Variants in FRAS1 observed in about 807,000 individuals in gnomAD.
The protein encoded by FRAS1 is Fraser extracellular matrix complex subunit 1, also known as extracellular matrix organizing protein FRAS1.
Under a neutral mutation model 435.2 loss-of-function variants are expected in FRAS1, and 290 were observed. The observed-to-expected ratio is 0.67, with a 90% CI of 0.61 to 0.73. The LOEUF is 0.73. FRAS1 is among the 30% of genes least tolerant of loss of function. FRAS1 has a pLI of 0.00. For synonymous variants in FRAS1, 1,800 were observed against 1,851.0 expected (o/e 0.97, Z 0.71); for missense variants, 4,860 against 5,001.5 (o/e 0.97, Z 0.85).
intron 41 of FRAS1, among the ~76,000 whole-genome samples, chr4:78,444,960 A>G (rs1273159896): frequency 1.3e-5 from 2 of 152,238 alleles, no homozygotes; most frequent in African/African-American, 4.8e-5. Flanking sequence ...ACCCATGCAG[A>G]GGTTCCCTTA....
At chr4:78,138,363 A>G (rs1156449686) in intron 2 of FRAS1, among the ~76,000 whole-genome samples, 1 of 152,224 alleles carries the variant, frequency 6.6e-6, no homozygotes, top group Non-Finnish European at 1.5e-5. Context: ...CTGGAGGACT[A>G]GGCCTAATGC....
chr4:78,249,525 G>C (rs1341432912), intron 4 of FRAS1, among the ~76,000 whole-genome samples: 2 of 151,906 alleles, frequency 1.3e-5, no homozygotes, highest in African/African-American at 4.8e-5. Flanking sequence ...GTTTCACCAT[G>C]CTGACCAGGC....
At chr4:78,515,772 C>G (rs760074812) in intron 65 of FRAS1, 27 bp from the exon 66 acceptor site, 16 of 1,606,254 alleles carry the variant, frequency 1.0e-5, no homozygotes, top group Middle Eastern at 1.9e-4. Flanking sequence ...ACCAAGTTAT[C>G]GTTCCTTGTT....
intron 47 of FRAS1, among the ~76,000 whole-genome samples, chr4:78,459,853 A>G (rs1259298021): frequency 6.6e-6 from 1 of 152,126 alleles, no homozygotes; most frequent in Non-Finnish European, 1.5e-5. Context: ...CCCTGTTGGG[A>G]TATGTCTGTA....
chr4:78,384,985 A>T lies in FRAS1; in HGVS notation c.3648+842A>T, dbSNP rs1184886789. 2.6e-5 allele frequency among the ~76,000 whole-genome samples: 4 copies of T among 151,796 alleles called. No homozygotes were observed. The East Asian group carries it at 7.7e-4, about 29-fold the overall frequency. On this transcript the variant is annotated intron_variant, in intron 28 of 73. Coordinates refer to ENST00000512123, the MANE Select transcript of FRAS1 (RefSeq NM_025074.7). Reference sequence around the variant, plus strand: ...GTTTTATCTCTCTCTAGTATGTGGAATTTGCAGCAGTTAGAGAATATTATT... The same window carrying T: ...GTTTTATCTCTCTCTAGTATGTGGATTTTGCAGCAGTTAGAGAATATTATT...
intron 70 of FRAS1, among the ~76,000 whole-genome samples, chr4:78,527,164 A>T (rs140297792): frequency 8.5e-4 from 129 of 152,306 alleles, no homozygotes; most frequent in African/African-American, 2.9e-3. Flanking sequence ...GGCTCATAGG[A>T]ATCTAACCCT....
intron 67 of FRAS1, among the ~76,000 whole-genome samples, chr4:78,520,545 T>A (rs932222231): frequency 8.5e-5 from 13 of 152,234 alleles, no homozygotes; most frequent in African/African-American, 1.7e-4. Context: ...GTCCCTCATA[T>A]AAAATGGTGT....
At chr4:78,479,306 T>C in intron 55 of FRAS1, 68 bp from the exon 56 acceptor site, 1 of 1,102,732 alleles carries the variant, frequency 9.1e-7, no homozygotes, top group Non-Finnish European at 1.2e-6. Flanking sequence ...CTCATTAACT[T>C]ACCAGAGGTT....
At chr4:78,469,830 A>T (rs756186842) in intron 50 of FRAS1, 148 bp from the exon 51 acceptor site, 3 of 672,584 alleles carry the variant, frequency 4.5e-6, no homozygotes, top group Non-Finnish European at 8.1e-6. Context: ...TTGTGCCAGG[A>T]TGATAAGGGA....
intron 20 of FRAS1, among the ~76,000 whole-genome samples, chr4:78,344,077 C>A (rs1205069573): frequency 1.3e-5 from 2 of 151,066 alleles, no homozygotes; most frequent in Admixed American, 6.6e-5. Context: ...CAAATCCTAC[C>A]CATCCATCCC....
At chr4:78,520,677 T>C (rs1721358847) in intron 67 of FRAS1, among the ~76,000 whole-genome samples, 1 of 152,204 alleles carries the variant, frequency 6.6e-6, no homozygotes. Flanking sequence ...GTTTAGGAAA[T>C]AATGACAAAA....
rs150782329 is a variant in FRAS1 at position 78,193,696 on chromosome 4, G to A, written c.109-43814G>A. ...ACGTGAGATGGGTTACCTGAATACA[G>A]CACACTGATGGGTCTTGACTCTTTA... On this transcript the variant is annotated intron_variant, in intron 2 of 73. Transcript: ENST00000512123. 6.9e-3 allele frequency among the ~76,000 whole-genome samples: 1,058 copies of A among 152,302 alleles called. 9 individuals are homozygous for A. Among genetic ancestry groups the A allele is most frequent in the Middle Eastern group, 0.027 (8 of 294 alleles).
intron 2 of FRAS1, among the ~76,000 whole-genome samples, chr4:78,216,789 G>A (rs114388099): frequency 6.6e-6 from 1 of 152,320 alleles, no homozygotes; most frequent in African/African-American, 2.4e-5. Flanking sequence ...AGACTTGGAT[G>A]AGGAGGTGGA....
chr4:78,116,204 A>G (rs908247623), intron 2 of FRAS1, among the ~76,000 whole-genome samples: 42 of 152,182 alleles, frequency 2.8e-4, no homozygotes, highest in Admixed American at 7.2e-4. Context: ...ACAGTTTGTT[A>G]TAATGTCTGT....
intron 2 of FRAS1, among the ~76,000 whole-genome samples, chr4:78,083,619 A>C (rs569423981): frequency 7.4e-6 from 1 of 134,812 alleles, no homozygotes; most frequent in East Asian, 2.3e-4. Context: ...CATTACATGC[A>C]AGTTCTGTTT....
intron 2 of FRAS1, among the ~76,000 whole-genome samples, chr4:78,210,086 A>G (rs756695440): frequency 5.3e-5 from 8 of 152,184 alleles, no homozygotes; most frequent in Non-Finnish European, 1.2e-4. Flanking sequence ...ATGGTAGCAC[A>G]CAGCACACTG....
At chr4:78,091,362 G>A (rs935845897) in intron 2 of FRAS1, among the ~76,000 whole-genome samples, 5 of 152,020 alleles carry the variant, frequency 3.3e-5, no homozygotes, top group Admixed American at 2.0e-4. Flanking sequence ...TCAAATCCAT[G>A]TTATGTAGCA....
At chr4:78,535,677 C>T (rs909149386) in intron 71 of FRAS1, among the ~76,000 whole-genome samples, 1 of 152,204 alleles carries the variant, frequency 6.6e-6, no homozygotes, top group Admixed American at 6.5e-5. Flanking sequence ...ATTTTAGGTG[C>T]CTATCTCTCA....
rs1199110517 is a variant in FRAS1, at chr4:78,516,029, C to T, written c.10389+16C>T. On this transcript the variant is annotated intron_variant, in intron 66 of 73. Transcript: ENST00000512123. Reference sequence around the variant, plus strand: ...TGACTTCCAGGTAGGTGCCCCGGGGCTTGTCTGAGGACTCTGCATATGGGT... The same window carrying T: ...TGACTTCCAGGTAGGTGCCCCGGGGTTTGTCTGAGGACTCTGCATATGGGT... 1 of 1,599,576 alleles carries T rather than the reference C, an allele frequency of 6.3e-7. No individual in the cohort carries two copies. The highest frequency in any genetic ancestry group is 1.3e-5 in the African/African-American group (1 of 74,604).
Sources: gnomAD v4.1 joint callset for allele counts (sites outside exome capture counted in the v4.1 genomes callset) on GRCh38, gnomAD v4.1.1 for gene constraint, MANE v1.5 for transcripts, NCBI Gene and HGNC (gene_info 2026-07-23, HGNC 2026-07-21) for gene names.